Variants in FCGR1A observed in about 807,000 individuals in gnomAD.
FCGR1A encodes Fc gamma receptor Ia.
A neutral mutation model predicts 35.0 loss-of-function variants in FCGR1A; 13 were observed. That is an observed-to-expected ratio of 0.37 (90% confidence interval 0.24 to 0.59). The LOEUF (loss-of-function observed/expected upper bound fraction) is 0.59. Ranked by LOEUF, FCGR1A falls within the 20% of genes least tolerant of loss-of-function variation. FCGR1A has a pLI of 0.71. For synonymous variants in FCGR1A, 91 were observed against 164.7 expected (o/e 0.55, Z 3.43); for missense variants, 227 against 430.0 (o/e 0.53, Z 4.17).
downstream of FCGR1A, chr1:149,793,041 G>C: frequency 7.9e-7 from 1 of 1,262,540 alleles, no homozygotes; most frequent in Non-Finnish European, 1.0e-6. Flanking sequence ...CCAGCTCCCG[G>C]GCCCCGGCGC....
chr1:149,799,415 A>G, the FCGR1A span, among the ~76,000 whole-genome samples: 1 of 152,222 alleles, frequency 6.6e-6, no homozygotes. Flanking sequence ...CTCATCATGT[A>G]TGCTCAGAAT....
intron 4 of FCGR1A, 146 bp from the exon 5 acceptor site, chr1:149,789,908 G>T (rs1391437699): frequency 6.6e-7 from 1 of 1,514,676 alleles, no homozygotes; most frequent in African/African-American, 1.4e-5. Flanking sequence ...CCCAAGAATG[G>T]CTCTCTGCTG....
intron 4 of FCGR1A, among the ~76,000 whole-genome samples, chr1:149,788,979 T>A (rs1337495127): frequency 6.6e-6 from 1 of 151,904 alleles, no homozygotes; most frequent in African/African-American, 2.4e-5. Flanking sequence ...GGAAGCCCCA[T>A]AGAAAGAGAA....
chr1:149,782,754 T>C lies in FCGR1A; in HGVS notation c.11T>C (p.Leu4Ser). 6.3e-7 allele frequency: 1 copy of C among 1,597,522 alleles called. No individual in the cohort carries two copies. Among genetic ancestry groups the C allele is most frequent in the Non-Finnish European group, 8.5e-7 (1 of 1,172,234 alleles). MWFLTTLLLWVPVD... is the reference protein window; with the variant it reads MWFSTTLLLWVPVD... ...CAGCTTGGAGACAACATGTGGTTCT[T>C]GACAACTCTGCTCCTTTGGGGTAAG... The change falls in exon 1 of 6, where the codon TTG becomes TCG. Residue 4 changes from leucine (L) to serine (S), a missense_variant. Leu to Ser is a moderately radical substitution (Grantham distance 145). This residue lies in a region of FCGR1A where 3 missense variants were observed against 22.1 expected (regional missense o/e 0.14). Transcript: ENST00000369168.
chr1:149,792,658 G>A (rs1553752148), downstream of FCGR1A: 1 of 1,277,014 alleles, frequency 7.8e-7, no homozygotes, highest in Non-Finnish European at 1.0e-6. Context: ...CCTGTATCTG[G>A]GGGCCGCAGC....
In FCGR1A at chr1:149,784,117, G is replaced by A; in HGVS notation, c.167G>A (p.Trp56Ter). The A allele has an allele frequency of 6.2e-7, 1 of 1,611,844 alleles. No individual in the cohort carries two copies. The highest frequency in any genetic ancestry group is 2.2e-5 in the East Asian group (1 of 44,856). ...LHLPGSSSTQ[W>*]FLNGTATQTS... ...CTGCCTGGGAGCAGCTCTACACAGT[G>A]GTTTCTCAATGGCACAGCCACTCAG... The change falls in exon 3 of 6, where the codon TGG becomes TAG. Residue 56 changes from tryptophan to a stop codon, truncating the protein, a stop_gained. Coordinates refer to ENST00000369168, the MANE Select transcript of FCGR1A (RefSeq NM_000566.4). LOFTEE classifies it high-confidence loss of function.
rs185053300 is a variant in FCGR1A at position 149,787,054 on chromosome 1, A to C, written c.308-1312A>C. ...CATTACTAGTGTTTGACAGTTTCTGATGGAGATGTGACAGCACTTCCCACT... is the reference window on the plus strand; with the variant it reads ...CATTACTAGTGTTTGACAGTTTCTGCTGGAGATGTGACAGCACTTCCCACT... On this transcript the variant is annotated intron_variant, in intron 3 of 5. Transcript: ENST00000369168. 1.8e-4 allele frequency: 27 copies of C among 152,348 alleles called. No homozygotes were observed. The East Asian group carries it at 3.5e-3, about 20-fold the overall frequency. 9.4% of individuals were successfully genotyped at this position (152,348 alleles called of 1,614,324 possible).
At chr1:149,793,597 C>G (rs1171421879), downstream of FCGR1A, among the ~76,000 whole-genome samples, 2 of 151,768 alleles carry the variant, frequency 1.3e-5, no homozygotes, top group Non-Finnish European at 2.9e-5. Context: ...TGGGACCTAC[C>G]GAGGCTTCAC....
At chr1:149,794,079 T>C (rs2101440793), downstream of FCGR1A, 1 of 523,986 alleles carries the variant, frequency 1.9e-6, no homozygotes, top group Middle Eastern at 6.3e-4. Context: ...TGGAGACAGA[T>C]TCCTCGGGCT....
Position 149,785,408 on chromosome 1 carries a change from G to GTTT in FCGR1A, c.307+1175_307+1177dup, listed in dbSNP as rs10670379. On this transcript the variant is annotated intron_variant, in intron 3 of 5. Coordinates refer to ENST00000369168, the MANE Select transcript of FCGR1A (RefSeq NM_000566.4). ...TTAGGGAAGCTGACAGAGCTGTTTC[G>GTTT]TTTTTTTTTTTTTTTTTTTTTTTTT... Among the ~76,000 whole-genome samples the GTTT allele has an allele frequency of 8.1e-4, 55 of 67,646 alleles. 5 individuals carry two copies. The highest frequency in any genetic ancestry group is 1.5e-3 in the Non-Finnish European group (46 of 30,472). The allele number at this position is 67,646 out of a possible 152,430, so 44.4% of individuals were successfully genotyped here.
Position 149,788,436 on chromosome 1 carries a change from G to A in FCGR1A, c.378G>A (p.Ala126=), listed in dbSNP as rs138510822. The A allele has an allele frequency of 1.3e-3, 2,034 of 1,613,762 alleles. 19 individuals are homozygous for A. In the African/African-American group the frequency reaches 0.023, roughly 18 times the overall value. The change falls in exon 4 of 6, where the codon GCG becomes GCA. Residue 126 remains alanine, a synonymous_variant. Coordinates refer to ENST00000369168, the MANE Select transcript of FCGR1A (RefSeq NM_000566.4). ...AACCTCTGGCCTTGAGGTGTCATGCGTGGAAGGATAAGCTGGTGTACAATG... is the reference window on the plus strand; with the variant it reads ...AACCTCTGGCCTTGAGGTGTCATGCATGGAAGGATAAGCTGGTGTACAATG... ...EGEPLALRCH[A]WKDKLVYNVL...
At chr1:149,792,286 G>A (rs1381352306), downstream of FCGR1A, 1 of 217,786 alleles carries the variant, frequency 4.6e-6, no homozygotes, top group Non-Finnish European at 8.7e-6. Context: ...GACGCTTCAA[G>A]TGGGGAGAAG....
Position 149,791,267 on chromosome 1 carries a change from A to T in FCGR1A, c.875A>T (p.His292Leu), listed in dbSNP as rs2091703990. Residue 292 changes from histidine (H) to leucine (L), a missense_variant, in exon 6 of 6, where the codon CAT becomes CTT. His to Leu is a moderately conservative substitution (Grantham distance 99, BLOSUM62 -3). Transcript: ENST00000369168. ...CAGTTACCAACTCCTGTCTGGTTTC[A>T]TGTCCTTTTCTATCTGGCAGTGGGA... ...GLQLPTPVWF[H>L]VLFYLAVGIM... 5 of 1,604,476 alleles carry T rather than the reference A, an allele frequency of 3.1e-6. No homozygotes were observed. In the East Asian group the frequency reaches 1.1e-4, roughly 36 times the overall value.
downstream of FCGR1A, chr1:149,792,824 G>A (rs1553752213): frequency 7.8e-7 from 1 of 1,279,082 alleles, no homozygotes; most frequent in Non-Finnish European, 1.0e-6. Context: ...CAGCAACGGC[G>A]GCAGGCGGAT....
rs587670228 is a variant in FCGR1A, at chr1:149,789,379, C to A, written c.560-675C>A. On this transcript the variant is annotated intron_variant, in intron 4 of 5. Coordinates refer to ENST00000369168, the MANE Select transcript of FCGR1A (RefSeq NM_000566.4). ...CTGCACTCCAGCCTGGGCAACAGAG[C>A]GAGACTACGTCTCAAATAATAATAA... 4.3e-5 allele frequency among the ~76,000 whole-genome samples: 6 copies of A among 138,418 alleles called. No individual in the cohort carries two copies. In the East Asian group the frequency reaches 1.2e-3, roughly 28 times the overall value. 90.8% of individuals were successfully genotyped at this position (138,418 alleles called of 152,430 possible). A position where few individuals can be genotyped will look rare whatever the true frequency, so the allele number is the denominator to read the frequency against.
chr1:149,785,306 G>A (rs1553750688), intron 3 of FCGR1A, among the ~76,000 whole-genome samples: 1 of 151,436 alleles, frequency 6.6e-6, no homozygotes, highest in Non-Finnish European at 1.5e-5. Context: ...AGGAAATGTT[G>A]AGAATGTCTG....
the FCGR1A span, among the ~76,000 whole-genome samples, chr1:149,799,449 G>A: frequency 6.6e-6 from 1 of 152,038 alleles, no homozygotes; most frequent in Non-Finnish European, 1.5e-5. Flanking sequence ...GCAATCTAAG[G>A]ATGTATGTAT....
chr1:149,786,485 C>G (rs587727231), intron 3 of FCGR1A: 11 of 152,354 alleles, frequency 7.2e-5, no homozygotes, highest in Admixed American at 6.5e-4. Flanking sequence ...CGTCTATGCC[C>G]TATTTTAAAA....
At chr1:149,793,129 G>C (rs188275404), downstream of FCGR1A, 97,145 of 1,273,948 alleles carry the variant, frequency 0.076, 4,135 homozygotes, top group Non-Finnish European at 0.086. Flanking sequence ...AGGTGCGCCC[G>C]GCCGAGCCTC....
Sources: gnomAD v4.1 joint callset for allele counts (sites outside exome capture counted in the v4.1 genomes callset) on GRCh38, gnomAD v4.1.1 for gene constraint, gnomAD v4.1.1 regional missense constraint, MANE v1.5 for transcripts, NCBI Gene and HGNC (gene_info 2026-07-23, HGNC 2026-07-21) for gene names.